The following IL17RD variants were observed in gnomAD, a reference collection of about 807,000 sequenced individuals.
IL17RD encodes interleukin 17 receptor D, also known as interleukin-17 receptor D.
Under a neutral mutation model 80.5 loss-of-function variants are expected in IL17RD, and 52 were observed. That is an observed-to-expected ratio of 0.65 (90% confidence interval 0.52 to 0.81). IL17RD has a LOEUF of 0.81. IL17RD is among the 40% of genes least tolerant of loss of function. The pLI is 0.00. For missense variants in IL17RD, 1,024 were observed against 955.1 expected (o/e 1.07, Z -0.95); for synonymous variants, 416 against 391.8 (o/e 1.06, Z -0.73).
At chr3:57,142,413 A>C in intron 1 of IL17RD, 1 of 751,014 alleles carries the variant, frequency 1.3e-6, no homozygotes. Context: ...TTTATTAAAA[A>C]TTGAAACACT....
chr3:57,169,051 T>C (rs1477552671), upstream of IL17RD, among the ~76,000 whole-genome samples: 3 of 152,218 alleles, frequency 2.0e-5, no homozygotes, highest in Non-Finnish European at 4.4e-5. Flanking sequence ...CCCTTCAGAA[T>C]AGCTGTAAGG....
At chr3:57,126,437 T>C (rs1707460407) in intron 1 of IL17RD, among the ~76,000 whole-genome samples, 1 of 152,028 alleles carries the variant, frequency 6.6e-6, no homozygotes, top group Non-Finnish European at 1.5e-5. Context: ...ATTCAAAAGC[T>C]AAAAACCCAC....
In IL17RD at chr3:57,110,678, A is replaced by G. The variant is rs76038717; in HGVS notation, c.311-367T>C. The stretch of plus-strand genomic sequence containing the variant: ...TTACACAGAATACATTTGGCTGATG[A>G]TAATTTCCAGTGTTGACTAGGGAAT... On this transcript the variant is annotated intron_variant, in intron 3 of 12. Coordinates refer to ENST00000296318, the MANE Select transcript of IL17RD (RefSeq NM_017563.5). Among the ~76,000 whole-genome samples the G allele has an allele frequency of 9.1e-3, 1,387 of 152,368 alleles. 25 individuals are homozygous for G. The highest frequency in any genetic ancestry group is 0.032 in the African/African-American group (1,317 of 41,588).
intron 1 of IL17RD, among the ~76,000 whole-genome samples, chr3:57,129,634 C>T (rs948507614): frequency 1.3e-5 from 2 of 152,170 alleles, no homozygotes; most frequent in Non-Finnish European, 2.9e-5. Flanking sequence ...AGGTCCCCGG[C>T]AAGCCCCACG....
In IL17RD at chr3:57,093,905, C is replaced by T. The variant is rs990674600; in HGVS notation, c.*2488G>A. 2 of 152,214 alleles carry T rather than the reference C, an allele frequency of 1.3e-5. No homozygotes were observed. Among genetic ancestry groups the T allele is most frequent in the East Asian group, 1.9e-4 (1 of 5,194 alleles). 9.4% of individuals were successfully genotyped at this position (152,214 alleles called of 1,614,324 possible). ...CTAGCACTCTACCTTCAGCTACCCG[C>T]AGGCTTCTTGGTTTTCCTGGAAACC... On this transcript the variant is annotated 3_prime_UTR_variant, in exon 13 of 13. Transcript: ENST00000296318.
rs1322071520 is a variant in IL17RD at position 57,165,192 on chromosome 3, C to G, written c.95G>C (p.Arg32Pro). 2.6e-6 allele frequency: 4 copies of G among 1,527,362 alleles called. No homozygotes were observed. The highest frequency in any genetic ancestry group is 2.0e-5 in the Admixed American group (1 of 49,500). 94.6% of individuals were successfully genotyped at this position (1,527,362 alleles called of 1,614,324 possible). Residue 32 changes from arginine to proline, a missense_variant, in exon 1 of 13, where the codon CGC becomes CCC. Arg to Pro is a moderately radical substitution (Grantham distance 103). Coordinates refer to ENST00000296318, the MANE Select transcript of IL17RD (RefSeq NM_017563.5). ...QLAVAAGGSG[R>P]ARGADTCGWR... is the part of the protein sequence containing the mutation. Reference sequence around the variant, plus strand: ...GCCACAGGTGTCGGCGCCCCGCGCGCGGCCGGACCCGCCAGCGGCCACAGC... The same window carrying G: ...GCCACAGGTGTCGGCGCCCCGCGCGGGGCCGGACCCGCCAGCGGCCACAGC...
intron 1 of IL17RD, among the ~76,000 whole-genome samples, chr3:57,125,418 A>G (rs1343359499): frequency 1.3e-5 from 2 of 152,180 alleles, no homozygotes; most frequent in African/African-American, 2.4e-5. Context: ...TAAAGAAAAA[A>G]AAAAAGTGTT....
chr3:57,149,871 T>A (rs569853481), intron 1 of IL17RD, among the ~76,000 whole-genome samples: 1 of 152,298 alleles, frequency 6.6e-6, no homozygotes, highest in South Asian at 2.1e-4. Context: ...CCTAGATAAC[T>A]CAGTTTCACC....
At chr3:57,131,822 C>T (rs1346375920) in intron 1 of IL17RD, among the ~76,000 whole-genome samples, 3 of 152,218 alleles carry the variant, frequency 2.0e-5, no homozygotes, top group African/African-American at 7.2e-5. Flanking sequence ...AGTCCAGCTC[C>T]ACTCAATAGC....
chr3:57,139,030 C>T (rs1707782052), intron 1 of IL17RD, among the ~76,000 whole-genome samples: 1 of 150,676 alleles, frequency 6.6e-6, no homozygotes, highest in South Asian at 2.1e-4. Flanking sequence ...AAGTGAGGTG[C>T]CTACTATCTT....
Position 57,094,242 on chromosome 3 carries a change from A to C in IL17RD, c.*2151T>G, listed in dbSNP as rs764145808. ...AAAGTGAAACTAATTAAACAAAACT[A>C]GGAAGTTGGACTTCTCAATTTATTC... On this transcript the variant is annotated 3_prime_UTR_variant, in exon 13 of 13. Transcript: ENST00000296318. 10 of 152,238 alleles carry C rather than the reference A, an allele frequency of 6.6e-5. No individual in the cohort carries two copies. Among genetic ancestry groups the C allele is most frequent in the Non-Finnish European group, 1.5e-5 (1 of 68,038 alleles). 9.4% of individuals were successfully genotyped at this position (152,238 alleles called of 1,614,324 possible). A position where few individuals can be genotyped will look rare whatever the true frequency, so the allele number is the denominator to read the frequency against.
At chr3:57,139,947 A>G (rs966488033) in intron 1 of IL17RD, among the ~76,000 whole-genome samples, 2 of 152,176 alleles carry the variant, frequency 1.3e-5, no homozygotes, top group African/African-American at 2.4e-5. Flanking sequence ...TACAGGAAAA[A>G]TAGAAAACAT....
Position 57,105,983 on chromosome 3 carries a change from G to A in IL17RD, c.621C>T (p.Ile207=), listed in dbSNP as rs1409682465. 2.5e-6 allele frequency: 4 copies of A among 1,613,798 alleles called. No homozygotes were observed. The African/African-American group carries it at 4.0e-5, about 16-fold the overall frequency. Residue 207 remains isoleucine, a synonymous_variant, in exon 7 of 13, where the codon ATC becomes ATT. Transcript: ENST00000296318. ...KPFWKPRNLN[I]SQHGSDMQVS... ...CCTGCATGTCCGAGCCATGCTGGCT[G>A]ATGTTCAGGTTCCGAGGCTTCCAGA...
intron 1 of IL17RD, among the ~76,000 whole-genome samples, chr3:57,123,060 T>C (rs1263290049): frequency 6.6e-6 from 1 of 152,198 alleles, no homozygotes; most frequent in Non-Finnish European, 1.5e-5. Flanking sequence ...AGGTGTGCTA[T>C]GCCATGCATT....
At position 57,114,693 on chromosome 3, in the gene IL17RD, G is replaced by A. The variant is rs756206627; in HGVS notation, c.309C>T (p.Leu103=). Residue 103 remains leucine, a splice_region_variant and synonymous_variant, in exon 3 of 13, where the codon CTC becomes CTT. Coordinates refer to ENST00000296318, the MANE Select transcript of IL17RD (RefSeq NM_017563.5). ...TGCACTCGATTTTTGACCACTCACC[G>A]AGGGCCCCTGGGGACCAAAGAATGG... ...AVTILWSPGA[L]GIEFLKGFRV... The A allele has an allele frequency of 2.5e-6, 4 of 1,605,988 alleles. No homozygotes were observed. Among genetic ancestry groups the A allele is most frequent in the Admixed American group, 3.4e-5 (2 of 58,244 alleles).
chr3:57,114,775 G>C lies in IL17RD; in HGVS notation c.227C>G (p.Ala76Gly), dbSNP rs1382866740. The C allele has an allele frequency of 1.2e-6, 2 of 1,611,082 alleles. No individual in the cohort carries two copies. Among genetic ancestry groups the C allele is most frequent in the Non-Finnish European group, 1.7e-6 (2 of 1,178,490 alleles). The part of the protein sequence containing the change: ...YLNPVGKHVI[A>G]DAQNITISQY... ...GCTGATGGTGATATTCTGGGCGTCAGCAATCACATGCTTCCCCACTGGATT... is the reference window on the plus strand; with the variant it reads ...GCTGATGGTGATATTCTGGGCGTCACCAATCACATGCTTCCCCACTGGATT... The change falls in exon 3 of 13, where the codon GCT becomes GGT. Residue 76 changes from alanine (A) to glycine (G), a missense_variant. By Grantham distance (60) the Ala-to-Gly change is moderately conservative. Transcript: ENST00000296318.
In IL17RD at chr3:57,097,832, T is replaced by G; in HGVS notation, c.1871A>C (p.His624Pro). The G allele has an allele frequency of 6.2e-7, 1 of 1,611,868 alleles. No homozygotes were observed. Among genetic ancestry groups the G allele is most frequent in the African/African-American group, 1.3e-5 (1 of 75,008 alleles). ...CTCCCCGTCTTGGTCCAGGCCCCCA[T>G]GCTGACTCTCGTGCTGGGAGTCGGC... ...GPADSQHESQ[H>P]GGLDQDGEAR... The change falls in exon 12 of 13, where the codon CAT becomes CCT. Residue 624 changes from histidine to proline, a missense_variant. Transcript: ENST00000296318.
chr3:57,164,843 A>T, intron 1 of IL17RD: 1 of 1,074,862 alleles, frequency 9.3e-7, no homozygotes, highest in Non-Finnish European at 1.2e-6. Context: ...GTCCCGGGCC[A>T]AGAACAAAGG....
rs745664300 is a variant in IL17RD at position 57,098,483 on chromosome 3, C to G, written c.1220G>C (p.Trp407Ser). Residue 407 changes from tryptophan to serine, a missense_variant, in exon 12 of 13, where the codon TGG (tryptophan) becomes TCG (serine). Coordinates refer to ENST00000296318, the MANE Select transcript of IL17RD (RefSeq NM_017563.5). ...FSLCREGQRE[W>S]VIQKIHESQF... is the part of the protein sequence containing the mutation. Reference sequence around the variant, plus strand: ...GGACTCGTGGATCTTCTGGATGACCCATTCTCTCTGCCCTTCTCTACAGAG... The same window carrying G: ...GGACTCGTGGATCTTCTGGATGACCGATTCTCTCTGCCCTTCTCTACAGAG... The G allele has an allele frequency of 1.9e-6, 3 of 1,613,692 alleles. No homozygotes were observed. Among genetic ancestry groups the G allele is most frequent in the Non-Finnish European group, 2.5e-6 (3 of 1,179,716 alleles).
Sources: gnomAD v4.1 joint callset for allele counts (sites outside exome capture counted in the v4.1 genomes callset) on GRCh38, gnomAD v4.1.1 for gene constraint, MANE v1.5 for transcripts, NCBI Gene and HGNC (gene_info 2026-07-23, HGNC 2026-07-21) for gene names.